Variants in ULK4 observed in about 807,000 individuals in gnomAD.
The protein encoded by ULK4 is unc-51 like kinase 4.
Under a neutral mutation model 160.6 loss-of-function variants are expected in ULK4, and 133 were observed. That is an observed-to-expected ratio of 0.83 (90% CI 0.72 to 0.96). The LOEUF is 0.96. ULK4 is among the 40% of genes least tolerant of loss of function. The probability of loss-of-function intolerance (pLI) is 0.00; values close to 1 mark genes in which losing one functional copy is unlikely to be tolerated. For missense variants in ULK4, 1,580 were observed against 1,499.5 expected (o/e 1.05, Z -0.89); for synonymous variants, 534 against 539.8 (o/e 0.99, Z 0.15).
chr3:41,408,227 G>T (rs547386695), intron 34 of ULK4, among the ~76,000 whole-genome samples: 1 of 151,852 alleles, frequency 6.6e-6, no homozygotes, highest in East Asian at 1.9e-4. Context: ...AGGAGATCGA[G>T]ACCATCCTGG....
intron 27 of ULK4, among the ~76,000 whole-genome samples, chr3:41,692,299 GAC>G (rs1440800579): frequency 6.6e-6 from 1 of 151,998 alleles, no homozygotes; most frequent in Non-Finnish European, 1.5e-5. Flanking sequence ...GACACAATCT[GAC>G]ACAGTATATG....
chr3:41,438,191 G>C (rs1390338), intron 34 of ULK4, among the ~76,000 whole-genome samples: 1 of 150,228 alleles, frequency 6.7e-6, no homozygotes, highest in African/African-American at 2.5e-5. Context: ...AAATACCCTA[G>C]AGTAAGCCCT....
intron 30 of ULK4, among the ~76,000 whole-genome samples, chr3:41,662,759 C>T (rs1366249692): frequency 6.6e-6 from 1 of 152,070 alleles, no homozygotes; most frequent in East Asian, 1.9e-4. Context: ...GCAAAAAGAA[C>T]CTCTTTCTTT....
At chr3:41,826,178 C>T (rs1378250860) in intron 18 of ULK4, among the ~76,000 whole-genome samples, 1 of 152,154 alleles carries the variant, frequency 6.6e-6, no homozygotes, top group Non-Finnish European at 1.5e-5. Context: ...ATGGAAAGAC[C>T]AACCAGTACC....
chr3:41,961,548 T>TCCCCCCCC (rs1700668497), intron 1 of ULK4, among the ~76,000 whole-genome samples: 1 of 5,080 alleles, frequency 2.0e-4, no homozygotes, highest in Non-Finnish European at 6.3e-4. Flanking sequence ...ACGTAGTCAC[T>TCCCCCCCC]CACCCCCCCC....
chr3:41,677,936 C>T (rs540046543), intron 29 of ULK4, among the ~76,000 whole-genome samples: 3 of 152,100 alleles, frequency 2.0e-5, no homozygotes, highest in South Asian at 2.1e-4. Flanking sequence ...CTGAATAGAG[C>T]GAAAAGGCTG....
At chr3:41,711,514 C>T (rs1559501671) in intron 25 of ULK4, among the ~76,000 whole-genome samples, 1 of 152,188 alleles carries the variant, frequency 6.6e-6, no homozygotes, top group Admixed American at 6.5e-5. Flanking sequence ...TATATACTAT[C>T]ATGTTTTCAA....
intron 34 of ULK4, among the ~76,000 whole-genome samples, chr3:41,414,488 T>C (rs746670125): frequency 3.3e-5 from 5 of 152,214 alleles, no homozygotes; most frequent in Non-Finnish European, 7.3e-5. Context: ...CTTTCACATT[T>C]TATATTCTAT....
intron 17 of ULK4, among the ~76,000 whole-genome samples, chr3:41,838,407 A>G (rs1257785078): frequency 1.3e-5 from 2 of 152,184 alleles, no homozygotes; most frequent in Non-Finnish European, 2.9e-5. Context: ...CTACACTTCA[A>G]CTAGTAAAAC....
intron 32 of ULK4, among the ~76,000 whole-genome samples, chr3:41,488,706 G>C (rs893129371): frequency 6.6e-6 from 1 of 152,144 alleles, no homozygotes; most frequent in African/African-American, 2.4e-5. Context: ...TGAAACTCTT[G>C]CTACATTCTG....
Position 41,475,799 on chromosome 3 carries a change from C to T in ULK4, c.3227-12546G>A, listed in dbSNP as rs575283117. The stretch of plus-strand genomic sequence containing the variant: ...AGATCTTCCATGTTGCATTTTCCCA[C>T]ATACCATGTAAGTGTAGACATATTT... On this transcript the variant is annotated intron_variant, in intron 32 of 36. Transcript: ENST00000301831. Among the ~76,000 whole-genome samples, 7 of 152,172 alleles carry T rather than the reference C, an allele frequency of 4.6e-5. No homozygotes were observed. The East Asian group carries it at 5.8e-4, about 13-fold the overall frequency.
chr3:41,581,194 C>G (rs71331194), intron 31 of ULK4, among the ~76,000 whole-genome samples: 10,871 of 152,214 alleles, frequency 0.071, 575 homozygotes, highest in Admixed American at 0.13. Context: ...ATCCTATATA[C>G]CAGAATCTAG....
In ULK4 at chr3:41,900,883, A is replaced by C. The variant is rs1338418737; in HGVS notation, c.1183-54T>G. On this transcript the variant is annotated intron_variant, in intron 12 of 36. Coordinates refer to ENST00000301831, the MANE Select transcript of ULK4 (RefSeq NM_017886.4). ...TTTCTGCGACTAATGTAGATCTTTAAAACACTGAACCAGTAAGATGCTGAG... is the reference window on the plus strand; with the variant it reads ...TTTCTGCGACTAATGTAGATCTTTACAACACTGAACCAGTAAGATGCTGAG... The C allele has an allele frequency of 6.0e-6, 8 of 1,324,924 alleles. No individual in the cohort carries two copies. In the East Asian group the frequency reaches 1.8e-4, roughly 31 times the overall value. 82.1% of individuals were successfully genotyped at this position (1,324,924 alleles called of 1,614,324 possible). A position where few individuals can be genotyped will look rare whatever the true frequency, so the allele number is the denominator to read the frequency against.
intron 17 of ULK4, among the ~76,000 whole-genome samples, chr3:41,870,716 A>G (rs77302673): frequency 1.3e-5 from 2 of 151,966 alleles, no homozygotes; most frequent in African/African-American, 2.4e-5. Flanking sequence ...CACAACTACC[A>G]CTGCAATCAA....
chr3:41,410,750 G>C (rs890064236), intron 34 of ULK4, among the ~76,000 whole-genome samples: 1 of 152,174 alleles, frequency 6.6e-6, no homozygotes, highest in Non-Finnish European at 1.5e-5. Flanking sequence ...TTCATTCTCT[G>C]AGTTCAACAT....
intron 29 of ULK4, among the ~76,000 whole-genome samples, chr3:41,680,198 C>T (rs901853693): frequency 1.3e-5 from 2 of 152,122 alleles, no homozygotes; most frequent in African/African-American, 2.4e-5. Flanking sequence ...CACAGACATA[C>T]ACTCATATAT....
intron 11 of ULK4, among the ~76,000 whole-genome samples, chr3:41,909,723 T>C (rs1448050048): frequency 6.6e-6 from 1 of 151,806 alleles, no homozygotes; most frequent in Non-Finnish European, 1.5e-5. Flanking sequence ...TCAAAAAATA[T>C]ATAAATAAAT....
At chr3:41,816,247 C>CAT (rs1329620975) in intron 19 of ULK4, among the ~76,000 whole-genome samples, 2 of 152,152 alleles carry the variant, frequency 1.3e-5, no homozygotes, top group African/African-American at 4.8e-5. Context: ...CTCACACACA[C>CAT]ACATATTACA....
At chr3:41,857,651 T>C (rs1380955709) in intron 17 of ULK4, among the ~76,000 whole-genome samples, 2 of 152,204 alleles carry the variant, frequency 1.3e-5, no homozygotes, top group Non-Finnish European at 2.9e-5. Context: ...TATTTGTTAT[T>C]AGTCTGTTCA....
Sources: gnomAD v4.1 joint callset for allele counts (sites outside exome capture counted in the v4.1 genomes callset) on GRCh38, gnomAD v4.1.1 for gene constraint, MANE v1.5 for transcripts, NCBI Gene and HGNC (gene_info 2026-07-23, HGNC 2026-07-21) for gene names.